Variants in HAUS1 observed in about 807,000 individuals in gnomAD.
HAUS1 encodes the protein HAUS augmin like complex subunit 1.
In HAUS1, 25 loss-of-function variants were observed where a neutral mutation model predicts 38.6. The observed-to-expected ratio is 0.65, with a 90% CI of 0.47 to 0.91. The LOEUF (loss-of-function observed/expected upper bound fraction) is 0.91, where lower values mean the gene tolerates loss of function less well. Among genes scored for constraint, HAUS1 ranks in the 40% least tolerant of loss-of-function variants. The pLI, the probability that HAUS1 is intolerant of heterozygous loss-of-function variation, is 0.00. For synonymous variants in HAUS1, 109 were observed against 112.9 expected, an observed-to-expected ratio of 0.97 and a Z score of 0.22; for missense variants, 325 against 328.4, an observed-to-expected ratio of 0.99 and a Z score of 0.08.
chr18:46,122,297 T>C, intron 4 of HAUS1, among the ~76,000 whole-genome samples, 170 bp from the exon 5 acceptor site: 1 of 140,246 alleles, frequency 7.1e-6, no homozygotes. Context: ...GACCAAGACC[T>C]CATCTCTTAA....
chr18:46,124,124 C>G (rs1288496801), intron 6 of HAUS1, among the ~76,000 whole-genome samples: 1 of 151,948 alleles, frequency 6.6e-6, no homozygotes, highest in African/African-American at 2.4e-5. Flanking sequence ...TAAATGGGAG[C>G]AAAGGCCAGG....
In HAUS1 at chr18:46,121,318, TA is replaced by T. The variant is rs1345012482; in HGVS notation, c.477-1148del. 7.9e-5 allele frequency among the ~76,000 whole-genome samples: 12 copies of T among 151,936 alleles called. No homozygotes were observed. In the East Asian group the frequency reaches 2.1e-3, roughly 27 times the overall value. On this transcript the variant is annotated intron_variant, in intron 4 of 8. Coordinates refer to ENST00000282058, the MANE Select transcript of HAUS1 (RefSeq NM_138443.4). ...GATTCTCCTGCCTCAGCCTTTCAAGTAGCTGGGATTACAGGCACCTGCCACC... is the reference window on the plus strand; with the variant it reads ...GATTCTCCTGCCTCAGCCTTTCAAGTGCTGGGATTACAGGCACCTGCCACC...
chr18:46,113,872 C>A (rs1402308718), intron 2 of HAUS1, among the ~76,000 whole-genome samples: 2 of 152,122 alleles, frequency 1.3e-5, no homozygotes, highest in Non-Finnish European at 2.9e-5. Context: ...CTGTTTATCC[C>A]CAACAGAGTT....
In HAUS1 at chr18:46,110,340, T is replaced by TTTTTTG. The variant is rs1254365664; in HGVS notation, c.205+4977_205+4978insGTTTTT. The stretch of plus-strand genomic sequence containing the variant: ...CCAGCTTATTTTTTTAAGGTTTTTT[T>TTTTTTG]TTTTTTTTTTTTTTTTTTTTTTAGA... On this transcript the variant is annotated intron_variant, in intron 2 of 8. Coordinates refer to ENST00000282058, the MANE Select transcript of HAUS1 (RefSeq NM_138443.4). 1.0e-3 allele frequency among the ~76,000 whole-genome samples: 126 copies of TTTTTTG among 121,132 alleles called. 2 individuals are homozygous for TTTTTTG. The highest frequency in any genetic ancestry group is 3.3e-3 in the African/African-American group (101 of 31,026). The allele number at this position is 121,132 out of a possible 152,430, so 79.5% of individuals were successfully genotyped here. A position where few individuals can be genotyped will look rare whatever the true frequency, so the allele number is the denominator to read the frequency against.
chr18:46,125,791 A>G lies in HAUS1; in HGVS notation c.786A>G (p.Leu262=), dbSNP rs1237702891. 3 of 1,582,918 alleles carry G rather than the reference A, an allele frequency of 1.9e-6. No individual in the cohort carries two copies. Among genetic ancestry groups the G allele is most frequent in the African/African-American group, 1.3e-5 (1 of 74,216 alleles). The change falls in exon 8 of 9, where the codon CTA becomes CTG. Residue 262 remains leucine, a splice_region_variant and synonymous_variant. Coordinates refer to ENST00000282058, the MANE Select transcript of HAUS1 (RefSeq NM_138443.4). ...AAATTGAAGAAGCAAAGCGAGAACT[A>G]GTAAGTAGTTCCTGTAATTTTTTCA... ...QVKIEEAKRE[L]DSIEAELTRR... is the part of the protein sequence containing the mutation.
At position 46,112,441 on chromosome 18, in the gene HAUS1, A is replaced by G. The variant is rs1469854688; in HGVS notation, c.206-5740A>G. Among the ~76,000 whole-genome samples the G allele has an allele frequency of 2.3e-3, 108 of 45,992 alleles. 8 individuals carry two copies. The highest frequency in any genetic ancestry group is 0.012 in the African/African-American group (101 of 8,746). 30.2% of individuals were successfully genotyped at this position (45,992 alleles called of 152,430 possible). On this transcript the variant is annotated intron_variant, in intron 2 of 8. Transcript: ENST00000282058. ...TCCATATTATATATATAATATATAT[A>G]ATGTGTATATATTCCATATTATATA...
intron 2 of HAUS1, among the ~76,000 whole-genome samples, chr18:46,116,730 A>G (rs1464878487): frequency 9.9e-5 from 15 of 152,098 alleles, no homozygotes; most frequent in Admixed American, 9.2e-4. Context: ...CCACAGTGCT[A>G]GGCTGGGCAC....
intron 3 of HAUS1, among the ~76,000 whole-genome samples, chr18:46,119,424 A>T (rs1911879125): frequency 6.6e-6 from 1 of 151,108 alleles, no homozygotes; most frequent in African/African-American, 2.4e-5. Flanking sequence ...TTTTTTTTTT[A>T]CAAATAATGT....
Position 46,104,408 on chromosome 18 carries a change from A to G in HAUS1, c.-4A>G. The G allele has an allele frequency of 1.4e-6, 2 of 1,455,520 alleles. No homozygotes were observed. Among genetic ancestry groups the G allele is most frequent in the Admixed American group, 2.4e-5 (1 of 42,294 alleles). The allele number at this position is 1,455,520 out of a possible 1,614,324, so 90.2% of individuals were successfully genotyped here. On this transcript the variant is annotated 5_prime_UTR_variant, in exon 1 of 9. Coordinates refer to ENST00000282058, the MANE Select transcript of HAUS1 (RefSeq NM_138443.4). ...TTCCTAGTAAAGTGGCGGGAGCCGC[A>G]GCTATGGAGCCGCAGGAGGAGAGAG...
At position 46,118,039 on chromosome 18, in the gene HAUS1, A is replaced by T. The variant is rs1423017646; in HGVS notation, c.206-142A>T. 3.4e-5 allele frequency: 23 copies of T among 679,408 alleles called. No homozygotes were observed. The Admixed American group carries it at 5.6e-4, about 17-fold the overall frequency. 42.1% of individuals were successfully genotyped at this position (679,408 alleles called of 1,614,324 possible). On this transcript the variant is annotated intron_variant, in intron 2 of 8. Coordinates refer to ENST00000282058, the MANE Select transcript of HAUS1 (RefSeq NM_138443.4). ...ATGTTTTTAAGAATAGGTTGTACTG[A>T]TGGGGATACAACTAAAAGCCACTGA...
At chr18:46,119,654 A>G (rs1193085196) in intron 3 of HAUS1, among the ~76,000 whole-genome samples, 1 of 152,204 alleles carries the variant, frequency 6.6e-6, no homozygotes, top group African/African-American at 2.4e-5. Flanking sequence ...CAGTAAAAGT[A>G]TGTACAAGGT....
chr18:46,115,318 GC>G (rs1332054380), intron 2 of HAUS1: 1 of 152,220 alleles, frequency 6.6e-6, no homozygotes, highest in Non-Finnish European at 1.5e-5. Flanking sequence ...AATTAGCCAG[GC>G]ATGGTGGCAT....
rs1912162636 is a variant in HAUS1 at position 46,128,187 on chromosome 18, C to CT, written c.*67dup. ...AAATTGAATAGGACTTTACAGAGTTCTTTTTCCTCTTGGCATTTCCTAATA... is the reference window on the plus strand; with the variant it reads ...AAATTGAATAGGACTTTACAGAGTTCTTTTTTCCTCTTGGCATTTCCTAATA... On this transcript the variant is annotated 3_prime_UTR_variant, in exon 9 of 9. Coordinates refer to ENST00000282058, the MANE Select transcript of HAUS1 (RefSeq NM_138443.4). The CT allele has an allele frequency of 1.0e-6, 1 of 998,604 alleles. No homozygotes were observed. Among genetic ancestry groups the CT allele is most frequent in the South Asian group, 1.7e-5 (1 of 59,714 alleles). 61.9% of individuals were successfully genotyped at this position (998,604 alleles called of 1,614,324 possible).
At chr18:46,116,895 G>C (rs1280855890) in intron 2 of HAUS1, among the ~76,000 whole-genome samples, 1 of 152,084 alleles carries the variant, frequency 6.6e-6, no homozygotes, top group African/African-American at 2.4e-5. Context: ...ACAGGTACCT[G>C]TGAGGCCAAG....
intron 2 of HAUS1, among the ~76,000 whole-genome samples, chr18:46,116,574 C>T (rs28757346): frequency 0.35 from 51,412 of 147,302 alleles, 9,473 homozygotes; most frequent in Middle Eastern, 0.52. Context: ...AAAAAAATAA[C>T]GACAAAAAAA....
In HAUS1 at chr18:46,128,265, G is replaced by T. The variant is rs1912164487; in HGVS notation, c.*140G>T. The T allele has an allele frequency of 2.0e-6, 1 of 491,418 alleles. No homozygotes were observed. Among genetic ancestry groups the T allele is most frequent in the Non-Finnish European group, 3.6e-6 (1 of 274,100 alleles). The allele number at this position is 491,418 out of a possible 1,614,324, so 30.4% of individuals were successfully genotyped here. A position where few individuals can be genotyped will look rare whatever the true frequency, so the allele number is the denominator to read the frequency against. Reference sequence around the variant, plus strand: ...AGAATATCATAATTGATAGAATATGGTTTCTTACTGTGTGTTGCATTTTTG... The same window carrying T: ...AGAATATCATAATTGATAGAATATGTTTTCTTACTGTGTGTTGCATTTTTG... On this transcript the variant is annotated 3_prime_UTR_variant, in exon 9 of 9. Transcript: ENST00000282058.
At chr18:46,109,066 G>A (rs1269019532) in intron 2 of HAUS1, among the ~76,000 whole-genome samples, 2 of 127,188 alleles carry the variant, frequency 1.6e-5, no homozygotes, top group African/African-American at 3.4e-5. Context: ...GCAAGACTCC[G>A]TCTCAAAAAA....
At chr18:46,113,891 G>C (rs1205571361) in intron 2 of HAUS1, among the ~76,000 whole-genome samples, 4 of 152,110 alleles carry the variant, frequency 2.6e-5, no homozygotes, top group Admixed American at 2.6e-4. Context: ...TTAAACTCCT[G>C]ATGTTATCAG....
At chr18:46,122,700 A>C in intron 5 of HAUS1, 110 bp downstream of exon 5, 1 of 1,195,280 alleles carries the variant, frequency 8.4e-7, no homozygotes, top group Non-Finnish European at 1.2e-6. Context: ...GACTATAGAG[A>C]AGTTGGTAAG....
Sources: gnomAD v4.1 joint callset for allele counts (sites outside exome capture counted in the v4.1 genomes callset) on GRCh38, gnomAD v4.1.1 for gene constraint, MANE v1.5 for transcripts, NCBI Gene and HGNC (gene_info 2026-07-23, HGNC 2026-07-21) for gene names.